CEMIP: variants seen among roughly 807,000 people sequenced by gnomAD.
CEMIP encodes the protein cell migration-inducing and hyaluronan-binding protein.
A neutral mutation model predicts 156.9 loss-of-function variants in CEMIP; 105 were observed. That is an observed-to-expected ratio of 0.67 (90% CI 0.57 to 0.79). The LOEUF (loss-of-function observed/expected upper bound fraction) is 0.79. CEMIP is among the 30% of genes least tolerant of loss of function. The pLI is 0.00. For missense variants in CEMIP, 1,457 were observed against 1,769.4 expected (o/e 0.82, Z 3.17); for synonymous variants, 676 against 668.4 (o/e 1.01, Z -0.17).
intron 17 of CEMIP, among the ~76,000 whole-genome samples, chr15:80,923,066 GGAA>G (rs1426306302): frequency 6.6e-6 from 1 of 152,176 alleles, no homozygotes; most frequent in Non-Finnish European, 1.5e-5. Context: ...AAGACCAAAA[GGAA>G]GAGATGCAGT....
intron 1 of CEMIP, among the ~76,000 whole-genome samples, chr15:80,815,938 G>A (rs1028252271): frequency 5.3e-5 from 8 of 152,112 alleles, no homozygotes; most frequent in Non-Finnish European, 1.2e-4. Context: ...CCGAGGAAAG[G>A]CAAGAATAAA....
intron 10 of CEMIP, among the ~76,000 whole-genome samples, chr15:80,892,740 C>T (rs1305629148): frequency 6.6e-6 from 1 of 152,128 alleles, no homozygotes; most frequent in Non-Finnish European, 1.5e-5. Context: ...AATTTTGTGC[C>T]CTGGGTACCT....
chr15:80,881,899 G>A (rs1898673453), intron 6 of CEMIP, among the ~76,000 whole-genome samples: 1 of 152,180 alleles, frequency 6.6e-6, no homozygotes, highest in Non-Finnish European at 1.5e-5. Context: ...GCTAGTGGAT[G>A]TACCTGAGAG....
chr15:80,879,739 G>C lies in CEMIP; in HGVS notation c.265G>C (p.Asp89His), dbSNP rs368282778. The C allele has an allele frequency of 2.5e-6, 4 of 1,614,142 alleles. No homozygotes were observed. In the East Asian group the frequency reaches 6.7e-5, roughly 27 times the overall value. Residue 89 changes from aspartate (D) to histidine (H), a missense_variant, in exon 5 of 30, where the codon GAC (aspartate) becomes CAC (histidine). By Grantham distance (81) the Asp-to-His change is moderately conservative (BLOSUM62 -1). Transcript: ENST00000394685. ...AGGCAAGCTGGTCATTAAAGACCACGACGAGCCGATTGTTTTGCGAACCCG... is the reference window on the plus strand; with the variant it reads ...AGGCAAGCTGGTCATTAAAGACCACCACGAGCCGATTGTTTTGCGAACCCG... ...EGGKLVIKDH[D>H]EPIVLRTRHI...
intron 1 of CEMIP, among the ~76,000 whole-genome samples, chr15:80,822,203 C>T (rs573305098): frequency 3.3e-5 from 5 of 152,338 alleles, no homozygotes; most frequent in Non-Finnish European, 7.3e-5. Flanking sequence ...AGATGTGTTT[C>T]CCATCAGTCC....
At chr15:80,896,428 C>G (rs1236831499) in intron 12 of CEMIP, 2 of 474,112 alleles carry the variant, frequency 4.2e-6, no homozygotes, top group African/African-American at 3.9e-5. Flanking sequence ...CTCACACATT[C>G]CATTGGCTAA....
intron 14 of CEMIP, among the ~76,000 whole-genome samples, chr15:80,915,476 T>C (rs1900234822): frequency 6.6e-6 from 1 of 152,338 alleles, no homozygotes; most frequent in South Asian, 2.1e-4. Flanking sequence ...CCTTTCCATA[T>C]GAGCCCAAAT....
intron 1 of CEMIP, among the ~76,000 whole-genome samples, chr15:80,869,281 G>A (rs1898211162): frequency 6.6e-6 from 1 of 152,176 alleles, no homozygotes; most frequent in African/African-American, 2.4e-5. Flanking sequence ...TGAGGTGCTG[G>A]GGGATAGGAT....
intron 1 of CEMIP, among the ~76,000 whole-genome samples, chr15:80,790,918 T>G (rs965195016): frequency 6.6e-6 from 1 of 152,160 alleles, no homozygotes; most frequent in Admixed American, 6.5e-5. Context: ...CAATCCATGC[T>G]GTAACAGAGG....
chr15:80,795,681 C>G lies in CEMIP; in HGVS notation c.-176+16067C>G, dbSNP rs1056350391. On this transcript the variant is annotated intron_variant, in intron 1 of 29. Coordinates refer to ENST00000394685, the MANE Select transcript of CEMIP (RefSeq NM_001293298.2). ...AGGTGCAGTGGCTCAGACCTATAAT[C>G]CCAGTGCTTTGGGAGGCCAAGGTGG... Among the ~76,000 whole-genome samples the G allele has an allele frequency of 3.9e-5, 6 of 152,272 alleles. No homozygotes were observed. The East Asian group carries it at 5.8e-4, about 15-fold the overall frequency.
At chr15:80,865,020 C>G (rs553779335) in intron 1 of CEMIP, among the ~76,000 whole-genome samples, 52 of 152,100 alleles carry the variant, frequency 3.4e-4, no homozygotes, top group Middle Eastern at 3.2e-3. Context: ...GGACCTTCTA[C>G]ACCACTCTGA....
intron 1 of CEMIP, among the ~76,000 whole-genome samples, chr15:80,798,880 G>C (rs904357602): frequency 6.6e-6 from 1 of 152,146 alleles, no homozygotes; most frequent in Non-Finnish European, 1.5e-5. Context: ...AGGTTCCGTG[G>C]ATTGATTTTT....
intron 1 of CEMIP, among the ~76,000 whole-genome samples, chr15:80,781,216 A>T (rs914111438): frequency 1.3e-5 from 2 of 152,248 alleles, no homozygotes; most frequent in East Asian, 3.8e-4. Flanking sequence ...TTATTTATTT[A>T]GTACATATGG....
chr15:80,849,591 T>A (rs1044698775), intron 1 of CEMIP, among the ~76,000 whole-genome samples: 10 of 152,154 alleles, frequency 6.6e-5, no homozygotes, highest in African/African-American at 2.4e-4. Context: ...CAGTTCCAGT[T>A]ACTCGTGTGC....
intron 1 of CEMIP, among the ~76,000 whole-genome samples, chr15:80,809,871 T>C (rs141070009): frequency 6.6e-6 from 1 of 152,360 alleles, no homozygotes; most frequent in East Asian, 1.9e-4. Context: ...CAAATATTGT[T>C]TGTGCTTTGA....
At chr15:80,907,305 G>C (rs553719174) in intron 13 of CEMIP, among the ~76,000 whole-genome samples, 1 of 152,374 alleles carries the variant, frequency 6.6e-6, no homozygotes, top group South Asian at 2.1e-4. Context: ...GCTCCCGCCT[G>C]TAATCCCAAC....
Position 80,895,950 on chromosome 15 carries a change from A to C in CEMIP, c.1301A>C (p.Lys434Thr). 1.9e-6 allele frequency: 3 copies of C among 1,614,198 alleles called. No individual in the cohort carries two copies. The highest frequency in any genetic ancestry group is 2.5e-6 in the Non-Finnish European group (3 of 1,180,036). Residue 434 changes from lysine to threonine, a missense_variant, in exon 12 of 30, where the codon AAA becomes ACA. Physicochemically the swap from Lys to Thr is moderately conservative, Grantham distance 78. Transcript: ENST00000394685. ...LNLEDNVQSW[K>T]PGDTLVIAST... Reference sequence around the variant, plus strand: ...TTGGAGGATAATGTACAGTCATGGAAACCTGGAGATACCCTGGTCATTGCC... The same window carrying C: ...TTGGAGGATAATGTACAGTCATGGACACCTGGAGATACCCTGGTCATTGCC...
intron 14 of CEMIP, among the ~76,000 whole-genome samples, chr15:80,912,520 G>A (rs891206805): frequency 1.3e-5 from 2 of 152,176 alleles, no homozygotes; most frequent in Admixed American, 1.3e-4. Flanking sequence ...GTTAGGATTT[G>A]GAGTCTGCAG....
intron 14 of CEMIP, among the ~76,000 whole-genome samples, chr15:80,918,843 G>T (rs1900368250): frequency 6.6e-6 from 1 of 152,070 alleles, no homozygotes; most frequent in Admixed American, 6.5e-5. Flanking sequence ...GGACAGGGGG[G>T]TGGGGCCCAG....
Sources: gnomAD v4.1 joint callset for allele counts (sites outside exome capture counted in the v4.1 genomes callset) on GRCh38, gnomAD v4.1.1 for gene constraint, MANE v1.5 for transcripts, NCBI Gene and HGNC (gene_info 2026-07-23, HGNC 2026-07-21) for gene names.